The following AGBL4 variants were observed in gnomAD, a reference collection of about 807,000 sequenced individuals.
The protein encoded by AGBL4 is AGBL carboxypeptidase 4.
In AGBL4, 58 loss-of-function variants were observed where a neutral mutation model predicts 66.4. That is an observed-to-expected ratio of 0.87 (90% CI 0.71 to 1.09). AGBL4 has a LOEUF of 1.09. Among genes scored for constraint, AGBL4 ranks in the 50% least tolerant of loss-of-function variants. The pLI is 0.00. For synonymous variants in AGBL4, 234 were observed against 222.9 expected, an observed-to-expected ratio of 1.05 and a Z score of -0.44; for missense variants, 579 against 631.0, an observed-to-expected ratio of 0.92 and a Z score of 0.88.
At chr1:49,367,610 C>T (rs984230703) in intron 3 of AGBL4, among the ~76,000 whole-genome samples, 1 of 152,200 alleles carries the variant, frequency 6.6e-6, no homozygotes, top group Non-Finnish European at 1.5e-5. Context: ...AGGGGCAGAA[C>T]TTGTTCCAAA....
chr1:49,282,777 C>T (rs890871005), intron 3 of AGBL4, among the ~76,000 whole-genome samples: 4 of 152,174 alleles, frequency 2.6e-5, no homozygotes, highest in South Asian at 2.1e-4. Context: ...CCTGGAAAAT[C>T]GGGTCACTCC....
At chr1:48,823,698 G>C (rs985513373) in intron 6 of AGBL4, among the ~76,000 whole-genome samples, 3 of 152,134 alleles carry the variant, frequency 2.0e-5, no homozygotes, top group Admixed American at 1.3e-4. Context: ...TCCTCCTTTA[G>C]ACTTTCTCTA....
chr1:49,124,500 T>G (rs1386014173), intron 4 of AGBL4, among the ~76,000 whole-genome samples: 1 of 152,180 alleles, frequency 6.6e-6, no homozygotes, highest in African/African-American at 2.4e-5. Context: ...AGCACTGCTT[T>G]ACAAGCAACT....
At chr1:48,740,770 A>C (rs1433369064) in intron 6 of AGBL4, among the ~76,000 whole-genome samples, 2 of 152,214 alleles carry the variant, frequency 1.3e-5, no homozygotes, top group African/African-American at 4.8e-5. Context: ...GGGTCAGACA[A>C]GACAGCAGAG....
intron 5 of AGBL4, among the ~76,000 whole-genome samples, chr1:48,968,452 G>T (rs1254854086): frequency 6.6e-6 from 1 of 152,146 alleles, no homozygotes; most frequent in African/African-American, 2.4e-5. Context: ...ATAAATGAGG[G>T]ATTTGTTAGG....
At chr1:49,636,305 T>C (rs562839104) in intron 3 of AGBL4, among the ~76,000 whole-genome samples, 4 of 152,334 alleles carry the variant, frequency 2.6e-5, no homozygotes, top group Non-Finnish European at 5.9e-5. Context: ...AACCATCTTT[T>C]TGCTGTGTTC....
At chr1:49,346,380 T>A (rs990259963) in intron 3 of AGBL4, among the ~76,000 whole-genome samples, 1 of 152,192 alleles carries the variant, frequency 6.6e-6, no homozygotes, top group African/African-American at 2.4e-5. Context: ...AGTATTGTAA[T>A]TCTGGATACA....
intron 9 of AGBL4, among the ~76,000 whole-genome samples, chr1:48,613,443 C>T (rs995965913): frequency 6.6e-6 from 1 of 152,178 alleles, no homozygotes; most frequent in Non-Finnish European, 1.5e-5. Flanking sequence ...TTGATTAGAT[C>T]ATTGTTCCTA....
chr1:49,069,836 T>C (rs1029002909), intron 4 of AGBL4, among the ~76,000 whole-genome samples: 4 of 152,000 alleles, frequency 2.6e-5, no homozygotes, highest in African/African-American at 9.7e-5. Context: ...ATAGCCATTT[T>C]CACGATATTG....
chr1:48,655,584 G>T (rs1224564324), intron 7 of AGBL4, among the ~76,000 whole-genome samples: 2 of 152,186 alleles, frequency 1.3e-5, no homozygotes, highest in African/African-American at 4.8e-5. Flanking sequence ...GAAGACTGTT[G>T]TGTACCTGTA....
At chr1:49,296,083 T>C (rs904183637) in intron 3 of AGBL4, among the ~76,000 whole-genome samples, 60 of 152,304 alleles carry the variant, frequency 3.9e-4, no homozygotes, top group Non-Finnish European at 1.0e-4. Context: ...TAAAAATGTT[T>C]CAATTATCCC....
At chr1:48,724,589 A>T (rs1174387287) in intron 6 of AGBL4, among the ~76,000 whole-genome samples, 1 of 152,238 alleles carries the variant, frequency 6.6e-6, no homozygotes, top group Non-Finnish European at 1.5e-5. Flanking sequence ...TGCTATAATC[A>T]TAGGTATGGA....
chr1:48,912,670 C>T (rs1040699401), intron 5 of AGBL4, among the ~76,000 whole-genome samples: 1 of 152,134 alleles, frequency 6.6e-6, no homozygotes, highest in Admixed American at 6.5e-5. Flanking sequence ...GTTTCCTGTC[C>T]AGCCACTGGG....
At chr1:49,631,616 T>C (rs1263252566) in intron 3 of AGBL4, among the ~76,000 whole-genome samples, 3 of 152,174 alleles carry the variant, frequency 2.0e-5, no homozygotes, top group African/African-American at 7.2e-5. Context: ...CCCAGGATGA[T>C]ATCATTACTG....
intron 12 of AGBL4, among the ~76,000 whole-genome samples, chr1:48,535,693 A>T (rs374037514): frequency 6.6e-6 from 1 of 152,024 alleles, no homozygotes; most frequent in African/African-American, 2.4e-5. Flanking sequence ...TTTCTATTTC[A>T]TCAGTCAAAA....
chr1:49,433,260 C>T (rs947933934), intron 3 of AGBL4, among the ~76,000 whole-genome samples: 5 of 152,138 alleles, frequency 3.3e-5, no homozygotes, highest in African/African-American at 9.7e-5. Context: ...CAATTTGTAG[C>T]CAATCAGAAG....
chr1:49,282,252 A>G (rs946750459), intron 3 of AGBL4, among the ~76,000 whole-genome samples: 5 of 152,330 alleles, frequency 3.3e-5, no homozygotes, highest in South Asian at 4.1e-4. Flanking sequence ...TACAGGAAGA[A>G]TGAACTGCAG....
At chr1:49,544,188 T>C (rs1016039346) in intron 3 of AGBL4, among the ~76,000 whole-genome samples, 2 of 152,322 alleles carry the variant, frequency 1.3e-5, no homozygotes, top group Non-Finnish European at 1.5e-5. Context: ...CAAAGTAATA[T>C]AATTCTCTTG....
intron 5 of AGBL4, among the ~76,000 whole-genome samples, chr1:48,998,254 G>A (rs998111629): frequency 2.0e-5 from 3 of 152,172 alleles, no homozygotes; most frequent in African/African-American, 7.2e-5. Context: ...TGGAGCTGGG[G>A]TGTCTGCATC....
Sources: allele counts gnomAD v4.1 joint callset (sites outside exome capture counted in the v4.1 genomes callset), GRCh38; gene constraint gnomAD v4.1.1; transcripts MANE v1.5; gene names NCBI Gene and HGNC (gene_info 2026-07-23, HGNC 2026-07-21).